RAB28: variants seen among roughly 807,000 people sequenced by gnomAD.
The protein encoded by RAB28 is RAB28, member RAS oncogene family, also known as ras-related protein Rab-28.
A neutral mutation model predicts 31.7 loss-of-function variants in RAB28; 24 were observed. That is an observed-to-expected ratio of 0.76 (90% CI 0.55 to 1.06). The LOEUF (loss-of-function observed/expected upper bound fraction) is 1.06, where lower values mean the gene tolerates loss of function less well. RAB28 is among the 50% of genes least tolerant of loss of function. RAB28 has a pLI of 0.00. For missense variants in RAB28, 254 were observed against 258.5 expected, an observed-to-expected ratio of 0.98 and a Z score of 0.12; for synonymous variants, 100 against 90.4, an observed-to-expected ratio of 1.11 and a Z score of -0.60.
At chr4:13,383,231 C>T (rs965429214) in intron 4 of RAB28, among the ~76,000 whole-genome samples, 4 of 152,058 alleles carry the variant, frequency 2.6e-5, no homozygotes, top group Admixed American at 6.5e-5. Flanking sequence ...AATCTTGTCA[C>T]GAGGAAAAAT....
chr4:13,401,835 C>T (rs1379832799), intron 4 of RAB28, among the ~76,000 whole-genome samples: 2 of 151,988 alleles, frequency 1.3e-5, no homozygotes, highest in African/African-American at 4.8e-5. Flanking sequence ...CTTTCATTTT[C>T]GATATTCTTA....
intron 4 of RAB28, among the ~76,000 whole-genome samples, chr4:13,384,080 C>T (rs1159856845): frequency 6.6e-6 from 1 of 152,208 alleles, no homozygotes; most frequent in African/African-American, 2.4e-5. Flanking sequence ...CTGCCAACCC[C>T]ACCACCTCCA....
chr4:13,482,572 T>C (rs925114558), intron 1 of RAB28, among the ~76,000 whole-genome samples: 1 of 152,158 alleles, frequency 6.6e-6, no homozygotes, highest in African/African-American at 2.4e-5. Context: ...TCTAACAAAC[T>C]TTTTATTGAA....
rs1009995940 is a variant in RAB28 at position 13,473,065 on chromosome 4, G to A, written c.261+1253C>T. On this transcript the variant is annotated intron_variant, in intron 3 of 6. Transcript: ENST00000330852. ...AATCAAAACTCTGGGGCCTTTATAA[G>A]TGATTCAGAACCATATTAGCCTCTA... 2.0e-5 allele frequency among the ~76,000 whole-genome samples: 3 copies of A among 151,910 alleles called. No individual in the cohort carries two copies. The East Asian group carries it at 5.8e-4, about 29-fold the overall frequency.
At chr4:13,391,794 C>A (rs768443152) in intron 4 of RAB28, among the ~76,000 whole-genome samples, 11 of 151,936 alleles carry the variant, frequency 7.2e-5, no homozygotes, top group Non-Finnish European at 1.6e-4. Flanking sequence ...TTTCAGCAAA[C>A]TATCACAAGG....
At chr4:13,482,669 A>C (rs1316960514) in intron 1 of RAB28, among the ~76,000 whole-genome samples, 2 of 152,212 alleles carry the variant, frequency 1.3e-5, no homozygotes, top group Non-Finnish European at 2.9e-5. Flanking sequence ...ATACTTTATA[A>C]AGAAAAGTTA....
chr4:13,484,189 G>A lies in RAB28; in HGVS notation c.-39C>T, dbSNP rs995179681. 6 of 1,525,960 alleles carry A rather than the reference G, an allele frequency of 3.9e-6. No individual in the cohort carries two copies. Among genetic ancestry groups the A allele is most frequent in the African/African-American group, 1.4e-5 (1 of 73,010 alleles). The allele number at this position is 1,525,960 out of a possible 1,614,324, so 94.5% of individuals were successfully genotyped here. A position where few individuals can be genotyped will look rare whatever the true frequency, so the allele number is the denominator to read the frequency against. The stretch of plus-strand genomic sequence containing the variant: ...CCAGGCCCGCCCCTCGAGGTGGGGG[G>A]GGAAGGGAAGGATGAAGGCTCCGGG... On this transcript the variant is annotated 5_prime_UTR_variant, in exon 1 of 7. Transcript: ENST00000330852.
chr4:13,441,980 A>G (rs1347266015), intron 4 of RAB28, among the ~76,000 whole-genome samples: 1 of 152,224 alleles, frequency 6.6e-6, no homozygotes, highest in Admixed American at 6.5e-5. Flanking sequence ...AAAAAAGATA[A>G]ATATGCTTTA....
chr4:13,418,737 G>A (rs1026160102), intron 4 of RAB28, among the ~76,000 whole-genome samples: 6 of 152,122 alleles, frequency 3.9e-5, no homozygotes, highest in African/African-American at 1.4e-4. Context: ...TCCCTTACAA[G>A]AGCTCCTGAA....
intron 4 of RAB28, among the ~76,000 whole-genome samples, chr4:13,418,483 A>G (rs1404220485): frequency 6.6e-6 from 1 of 152,204 alleles, no homozygotes; most frequent in Non-Finnish European, 1.5e-5. Context: ...GAAGGAAAAA[A>G]TGTTAAGGGC....
At chr4:13,408,723 T>G (rs1027028909) in intron 4 of RAB28, among the ~76,000 whole-genome samples, 1 of 152,172 alleles carries the variant, frequency 6.6e-6, no homozygotes, top group Admixed American at 6.5e-5. Flanking sequence ...GAGTGATTTT[T>G]TTTCTTCATA....
intron 6 of RAB28, chr4:13,370,294 A>G: frequency 1.0e-6 from 1 of 964,192 alleles, no homozygotes; most frequent in Non-Finnish European, 1.2e-6. Flanking sequence ...AACATATATA[A>G]TGCCCAGAAT....
At chr4:13,460,268 A>G (rs1715524838) in intron 4 of RAB28, among the ~76,000 whole-genome samples, 2 of 152,224 alleles carry the variant, frequency 1.3e-5, no homozygotes, top group Non-Finnish European at 2.9e-5. Flanking sequence ...TGACGGATTC[A>G]GTATCCAGTG....
At chr4:13,396,130 A>G (rs1319420116) in intron 4 of RAB28, among the ~76,000 whole-genome samples, 1 of 152,084 alleles carries the variant, frequency 6.6e-6, no homozygotes, top group East Asian at 1.9e-4. Flanking sequence ...ACTTAAAAGA[A>G]GTAAAAGCAA....
chr4:13,444,019 T>C (rs1407512300), intron 4 of RAB28, among the ~76,000 whole-genome samples: 2 of 140,896 alleles, frequency 1.4e-5, no homozygotes, highest in Non-Finnish European at 3.1e-5. Context: ...CAGGATTTCC[T>C]TTTTTTTTTT....
At chr4:13,455,334 G>A (rs1715237941) in intron 4 of RAB28, among the ~76,000 whole-genome samples, 1 of 152,210 alleles carries the variant, frequency 6.6e-6, no homozygotes, top group Admixed American at 6.5e-5. Context: ...TGGCTCAAGG[G>A]CAGGTTTGCC....
intron 4 of RAB28, among the ~76,000 whole-genome samples, chr4:13,421,253 A>C (rs1249859805): frequency 6.6e-6 from 1 of 152,242 alleles, no homozygotes; most frequent in African/African-American, 2.4e-5. Flanking sequence ...ATGAAATAAA[A>C]GAGAACACAA....
intron 4 of RAB28, among the ~76,000 whole-genome samples, chr4:13,452,043 C>A (rs984171041): frequency 6.6e-6 from 1 of 151,704 alleles, no homozygotes; most frequent in Non-Finnish European, 1.5e-5. Context: ...TGCTTGCTTG[C>A]TTTATTTATT....
At chr4:13,471,861 A>T (rs748698310) in intron 3 of RAB28, among the ~76,000 whole-genome samples, 1 of 152,092 alleles carries the variant, frequency 6.6e-6, no homozygotes, top group Admixed American at 6.6e-5. Flanking sequence ...AAAGAAGTCG[A>T]TATGTACCTT....
Sources: gnomAD v4.1 joint callset for allele counts (sites outside exome capture counted in the v4.1 genomes callset) on GRCh38, gnomAD v4.1.1 for gene constraint, MANE v1.5 for transcripts, NCBI Gene and HGNC (gene_info 2026-07-23, HGNC 2026-07-21) for gene names.